The following CFH variants were observed in gnomAD, a reference collection of about 807,000 sequenced individuals.
The protein encoded by CFH is H factor 1 (complement).
Under a neutral mutation model 147.3 loss-of-function variants are expected in CFH, and 53 were observed. That is an observed-to-expected ratio of 0.36 (90% CI 0.29 to 0.45). The LOEUF (loss-of-function observed/expected upper bound fraction) is 0.45. CFH is among the 20% of genes least tolerant of loss of function. CFH has a pLI of 1.00. For synonymous variants in CFH, 536 were observed against 489.4 expected (o/e 1.10, Z -1.26); for missense variants, 1,380 against 1,498.0 (o/e 0.92, Z 1.30).
intron 2 of CFH, 124 bp from the exon 3 acceptor site, chr1:196,673,733 T>C: frequency 1.4e-6 from 1 of 727,888 alleles, no homozygotes; most frequent in South Asian, 1.5e-5. Flanking sequence ...CTTTGCTATG[T>C]TTAATTTTCC....
intron 4 of CFH, 46 bp from the exon 5 acceptor site, chr1:196,677,429 TA>T (rs1331298242): frequency 6.4e-7 from 1 of 1,558,526 alleles, no homozygotes; most frequent in Admixed American, 1.7e-5. Flanking sequence ...TTTTTCACAA[TA>T]AACTTTTAAA....
chr1:196,743,033 T>C (rs1652865879), intron 19 of CFH, among the ~76,000 whole-genome samples: 1 of 152,180 alleles, frequency 6.6e-6, no homozygotes, highest in Non-Finnish European at 1.5e-5. Flanking sequence ...CTAAAATGTA[T>C]AAGCAGGATG....
intron 9 of CFH, 56 bp downstream of exon 9, chr1:196,690,295 T>C: frequency 1.9e-6 from 3 of 1,603,564 alleles, no homozygotes; most frequent in Non-Finnish European, 2.6e-6. Context: ...GTAACATAGA[T>C]GACATTCTAA....
At chr1:196,711,589 T>C (rs1668723487) in intron 9 of CFH, among the ~76,000 whole-genome samples, 1 of 152,010 alleles carries the variant, frequency 6.6e-6, no homozygotes, top group Non-Finnish European at 1.5e-5. Flanking sequence ...TTTAGGTTTG[T>C]TTTGGGTCAA....
At chr1:196,702,249 A>G (rs1330629617) in intron 9 of CFH, among the ~76,000 whole-genome samples, 2 of 152,034 alleles carry the variant, frequency 1.3e-5, no homozygotes, top group Non-Finnish European at 2.9e-5. Context: ...GGCAACAGGT[A>G]TGATCTCTAC....
intron 1 of CFH, among the ~76,000 whole-genome samples, chr1:196,658,208 T>A (rs1330096086): frequency 2.0e-5 from 3 of 151,918 alleles, no homozygotes; most frequent in Non-Finnish European, 4.4e-5. Context: ...GTATTCACAC[T>A]CTTAATTCAT....
Position 196,690,234 on chromosome 1 carries a change from G to T in CFH, c.1331G>T (p.Arg444Leu). 6.2e-7 allele frequency: 1 copy of T among 1,613,182 alleles called. No individual in the cohort carries two copies. Among genetic ancestry groups the T allele is most frequent in the South Asian group, 1.1e-5 (1 of 91,082 alleles). The change falls in exon 9 of 22, where the codon CGT becomes CTT. Residue 444 changes from arginine to leucine, a missense_variant. Transcript: ENST00000367429. ...TGGTCTCCTACTCCCAGATGCATCCGTGTCAGTAAGTACACTACTCTGAAA... is the reference window on the plus strand; with the variant it reads ...TGGTCTCCTACTCCCAGATGCATCCTTGTCAGTAAGTACACTACTCTGAAA... ...NGWSPTPRCI[R>L]VKTCSKSSID...
intron 8 of CFH, 26 bp downstream of exon 8, chr1:196,689,640 T>C (rs1305410821): frequency 1.2e-6 from 2 of 1,610,052 alleles, no homozygotes; most frequent in East Asian, 2.2e-5. Flanking sequence ...AACTGCTATA[T>C]ATATGTATAA....
At chr1:196,652,381 T>A (rs560454237) in intron 1 of CFH, among the ~76,000 whole-genome samples, 1 of 152,056 alleles carries the variant, frequency 6.6e-6, no homozygotes, top group East Asian at 1.9e-4. Flanking sequence ...CATAATTATA[T>A]TTAATATAAA....
In CFH at chr1:196,668,986, C is replaced by A. The variant is rs145915491; in HGVS notation, c.59-3992C>A. Among the ~76,000 whole-genome samples, 379 of 152,268 alleles carry A rather than the reference C, an allele frequency of 2.5e-3. 9 individuals carry two copies. Among genetic ancestry groups the A allele is most frequent in the Non-Finnish European group, 3.8e-4 (26 of 68,028 alleles). ...CAGGAAGATGTGGGAAAGCTTGGAA[C>A]TTCCTAGAGACTTGTTGAATGCTTT... On this transcript the variant is annotated intron_variant, in intron 1 of 21. Transcript: ENST00000367429.
At chr1:196,716,982 T>A (rs1023731901) in intron 11 of CFH, among the ~76,000 whole-genome samples, 2 of 151,480 alleles carry the variant, frequency 1.3e-5, no homozygotes, top group African/African-American at 4.9e-5. Context: ...GAATACAGAA[T>A]GAAAAGAGCA....
chr1:196,715,327 C>T (rs989777512), intron 10 of CFH, among the ~76,000 whole-genome samples: 2 of 151,590 alleles, frequency 1.3e-5, no homozygotes, highest in African/African-American at 4.8e-5. Flanking sequence ...GTCATAAATG[C>T]TTTAGTATAA....
intron 9 of CFH, among the ~76,000 whole-genome samples, chr1:196,700,556 A>G (rs1668419442): frequency 6.6e-6 from 1 of 151,226 alleles, no homozygotes; most frequent in African/African-American, 2.4e-5. Context: ...TGGGAGGCTG[A>G]GGCTGGAGAA....
rs757703572 is a variant in CFH, at chr1:196,736,855, T to A, written c.2445T>A (p.Pro815=). ...AAATACAATTATGCCCACCTCCACC[T>A]CAGATTCCCAATTCTCACAATATGA... The part of the protein sequence containing the change: ...MAQIQLCPPP[P]QIPNSHNMTT... Residue 815 remains proline, a synonymous_variant, in exon 16 of 22, where the codon CCT becomes CCA. Coordinates refer to ENST00000367429, the MANE Select transcript of CFH (RefSeq NM_000186.4). 1.3e-6 allele frequency: 2 copies of A among 1,560,942 alleles called. No homozygotes were observed. The highest frequency in any genetic ancestry group is 2.5e-5 in the South Asian group (2 of 81,076).
intron 15 of CFH, among the ~76,000 whole-genome samples, chr1:196,729,916 G>T (rs1272671251): frequency 6.6e-6 from 1 of 151,476 alleles, no homozygotes; most frequent in Non-Finnish European, 1.5e-5. Flanking sequence ...GTATTTTTTT[G>T]ATATCAGTTG....
At chr1:196,692,897 CCCTCCCTTCCTTCCTT>C (rs1249232904) in intron 9 of CFH, among the ~76,000 whole-genome samples, 4 of 68,988 alleles carry the variant, frequency 5.8e-5, no homozygotes, top group African/African-American at 2.9e-4. Context: ...CTCCCTCCCT[CCCTCCCTTCCTTCCTT>C]CCTTCCTTCC....
chr1:196,725,162 C>T lies in CFH; in HGVS notation c.1738C>T (p.Pro580Ser). The T allele has an allele frequency of 6.2e-7, 1 of 1,613,640 alleles. No homozygotes were observed. The highest frequency in any genetic ancestry group is 8.5e-7 in the Non-Finnish European group (1 of 1,179,762). The change falls in exon 12 of 22, where the codon CCT (proline) becomes TCT (serine). Residue 580 changes from proline to serine, a missense_variant. Pro to Ser is a moderately conservative substitution (Grantham distance 74). Coordinates refer to ENST00000367429, the MANE Select transcript of CFH (RefSeq NM_000186.4). ...ELPKIDVHLV[P>S]DRKKDQYKVG... ...TCCTAAAATAGATGTACACTTAGTT[C>T]CTGATCGCAAGAAAGACCAGTATAA...
intron 9 of CFH, among the ~76,000 whole-genome samples, chr1:196,695,469 G>A (rs551476362): frequency 6.6e-6 from 1 of 152,168 alleles, no homozygotes; most frequent in African/African-American, 2.4e-5. Context: ...TTTTTGATTA[G>A]GATTGTCTTG....
At chr1:196,703,840 C>T (rs777068342) in intron 9 of CFH, among the ~76,000 whole-genome samples, 18 of 151,476 alleles carry the variant, frequency 1.2e-4, no homozygotes, top group Non-Finnish European at 1.6e-4. Flanking sequence ...AAAAATTAGT[C>T]GGGCATGGTG....
Sources: gnomAD v4.1 joint callset for allele counts (sites outside exome capture counted in the v4.1 genomes callset) on GRCh38, gnomAD v4.1.1 for gene constraint, MANE v1.5 for transcripts, NCBI Gene and HGNC (gene_info 2026-07-23, HGNC 2026-07-21) for gene names.